The following ADAMTS19 variants were observed in gnomAD, a reference collection of about 807,000 sequenced individuals.
ADAMTS19 encodes the protein ADAM metallopeptidase with thrombospondin type 1 motif 19, also known as A disintegrin and metalloproteinase with thrombospondin motifs 19.
In ADAMTS19, 93 loss-of-function variants were observed where a neutral mutation model predicts 153.3. The ratio of observed to expected loss-of-function variants is 0.61; its 90% CI spans 0.51 to 0.72. The LOEUF (loss-of-function observed/expected upper bound fraction) is 0.72. Ranked by LOEUF, ADAMTS19 falls within the 30% of genes least tolerant of loss-of-function variation. ADAMTS19 has a pLI of 0.00. For synonymous variants in ADAMTS19, 600 were observed against 556.6 expected (o/e 1.08, Z -1.10); for missense variants, 1,482 against 1,552.1 (o/e 0.95, Z 0.76).
chr5:129,460,848 C>T (rs934952903), intron 1 of ADAMTS19, among the ~76,000 whole-genome samples: 7 of 152,126 alleles, frequency 4.6e-5, no homozygotes, highest in Admixed American at 2.6e-4. Context: ...TTCTTTTCAA[C>T]AATGAAGTGC....
At chr5:129,580,252 T>TAG (rs1158385573) in intron 7 of ADAMTS19, among the ~76,000 whole-genome samples, 3 of 152,208 alleles carry the variant, frequency 2.0e-5, no homozygotes, top group African/African-American at 7.2e-5. Context: ...GTTATTGGTG[T>TAG]AGAGGAATGC....
Position 129,737,056 on chromosome 5 carries a change from C to T in ADAMTS19, c.3491-11C>T, listed in dbSNP as rs375058071. On this transcript the variant is annotated splice_polypyrimidine_tract_variant and intron_variant, in intron 22 of 22. Coordinates refer to ENST00000274487, the MANE Select transcript of ADAMTS19 (RefSeq NM_133638.6). Reference sequence around the variant, plus strand: ...CTGCATGGAGTGAATTCACTATGTTCTGTTTCACAGCTGCTCTGACTTTCA... The same window carrying T: ...CTGCATGGAGTGAATTCACTATGTTTTGTTTCACAGCTGCTCTGACTTTCA... 6.3e-5 allele frequency: 100 copies of T among 1,575,226 alleles called. No homozygotes were observed. Among genetic ancestry groups the T allele is most frequent in the Non-Finnish European group, 8.3e-5 (96 of 1,154,872 alleles).
rs575647578 is a variant in ADAMTS19, at chr5:129,732,625, C to A, written c.3313-2307C>A. Among the ~76,000 whole-genome samples, 7 of 152,134 alleles carry A rather than the reference C, an allele frequency of 4.6e-5. No individual in the cohort carries two copies. The South Asian group carries it at 1.5e-3, about 32-fold the overall frequency. The stretch of plus-strand genomic sequence containing the variant: ...GTTTAACTAAGAAGGTGCAAGACCT[C>A]TACAAGGAGAGCTGCAAAACACTGA... On this transcript the variant is annotated intron_variant, in intron 21 of 22. Transcript: ENST00000274487.
At position 129,526,460 on chromosome 5, in the gene ADAMTS19, G is replaced by T; in HGVS notation, c.1086+4G>T. On this transcript the variant is annotated splice_donor_region_variant and intron_variant, in intron 4 of 22. Transcript: ENST00000274487. ...CATTCTAACCATCTTAAATATGGTA[G>T]GCAAACTTTAAAGTGCGCTTGGAAT... The T allele has an allele frequency of 6.3e-7, 1 of 1,584,640 alleles. No homozygotes were observed. The highest frequency in any genetic ancestry group is 8.5e-7 in the Non-Finnish European group (1 of 1,169,778).
chr5:129,716,301 C>T (rs1021712142), intron 21 of ADAMTS19, among the ~76,000 whole-genome samples: 1 of 152,064 alleles, frequency 6.6e-6, no homozygotes, highest in Non-Finnish European at 1.5e-5. Context: ...TGGGCTCAAA[C>T]AATCCTTCCT....
chr5:129,535,844 A>T (rs1458847259), intron 6 of ADAMTS19, among the ~76,000 whole-genome samples: 46 of 152,186 alleles, frequency 3.0e-4, no homozygotes, highest in Non-Finnish European at 6.0e-4. Context: ...GGTGCTGGGA[A>T]AACTGGCTAG....
At chr5:129,566,167 G>T (rs962136128) in intron 7 of ADAMTS19, among the ~76,000 whole-genome samples, 8 of 152,072 alleles carry the variant, frequency 5.3e-5, no homozygotes, top group African/African-American at 1.9e-4. Flanking sequence ...TACCAAAGTT[G>T]TCTCTGCATT....
At chr5:129,494,019 C>T (rs1372464945) in intron 2 of ADAMTS19, among the ~76,000 whole-genome samples, 1 of 151,916 alleles carries the variant, frequency 6.6e-6, no homozygotes, top group East Asian at 1.9e-4. Flanking sequence ...TTTCAAATTA[C>T]AAAACTTCTA....
At chr5:129,709,256 C>G (rs536020712) in intron 21 of ADAMTS19, among the ~76,000 whole-genome samples, 1 of 151,836 alleles carries the variant, frequency 6.6e-6, no homozygotes, top group Non-Finnish European at 1.5e-5. Flanking sequence ...TTCTAGTTTC[C>G]TTAGTTACAA....
chr5:129,467,900 T>C (rs1001988992), intron 2 of ADAMTS19, among the ~76,000 whole-genome samples: 4 of 152,204 alleles, frequency 2.6e-5, no homozygotes, highest in East Asian at 1.9e-4. Context: ...AGTTTATGCA[T>C]AGACAAATAT....
chr5:129,495,275 G>T (rs1023321940), intron 2 of ADAMTS19, among the ~76,000 whole-genome samples: 2 of 152,040 alleles, frequency 1.3e-5, no homozygotes, highest in South Asian at 2.1e-4. Flanking sequence ...TTATTTCAAC[G>T]CATTCTTCAT....
At chr5:129,622,494 T>G in intron 10 of ADAMTS19, 146 bp downstream of exon 10, 1 of 913,022 alleles carries the variant, frequency 1.1e-6, no homozygotes, top group Non-Finnish European at 1.6e-6. Context: ...GTTTGTGCAT[T>G]TTTTTCTTAT....
chr5:129,477,489 G>A (rs530329195), intron 2 of ADAMTS19, among the ~76,000 whole-genome samples: 1 of 152,260 alleles, frequency 6.6e-6, no homozygotes, highest in South Asian at 2.1e-4. Context: ...GAAAAATAAA[G>A]CCACTGATGT....
At chr5:129,660,413 T>C (rs1485733343) in intron 15 of ADAMTS19, among the ~76,000 whole-genome samples, 1 of 152,084 alleles carries the variant, frequency 6.6e-6, no homozygotes, top group East Asian at 1.9e-4. Context: ...TCAAAAAAAT[T>C]TGGAAGACTA....
At chr5:129,573,471 T>G (rs1007803697) in intron 7 of ADAMTS19, among the ~76,000 whole-genome samples, 63 of 152,086 alleles carry the variant, frequency 4.1e-4, no homozygotes, top group Non-Finnish European at 3.8e-4. Flanking sequence ...AGTTAGATTC[T>G]CATCTCTGTG....
intron 20 of ADAMTS19, among the ~76,000 whole-genome samples, chr5:129,702,734 C>T (rs1006402167): frequency 1.3e-5 from 2 of 151,540 alleles, no homozygotes; most frequent in African/African-American, 2.4e-5. Context: ...AAACAAAATA[C>T]CCCACCGCAA....
At chr5:129,604,674 G>C (rs1248661438) in intron 8 of ADAMTS19, among the ~76,000 whole-genome samples, 1 of 152,086 alleles carries the variant, frequency 6.6e-6, no homozygotes, top group African/African-American at 2.4e-5. Flanking sequence ...ATTATGCATA[G>C]ATTATCAGTG....
At chr5:129,522,958 A>C (rs1049048717) in intron 3 of ADAMTS19, among the ~76,000 whole-genome samples, 1 of 151,868 alleles carries the variant, frequency 6.6e-6, no homozygotes, top group African/African-American at 2.4e-5. Context: ...TGAGAGGCAG[A>C]GGCAGGAGAA....
chr5:129,710,221 T>C (rs1756380223), intron 21 of ADAMTS19, among the ~76,000 whole-genome samples: 1 of 152,174 alleles, frequency 6.6e-6, no homozygotes, highest in Admixed American at 6.5e-5. Flanking sequence ...GAACATTCAG[T>C]GTTTGCTTTT....
Sources: allele counts gnomAD v4.1 joint callset (sites outside exome capture counted in the v4.1 genomes callset), GRCh38; gene constraint gnomAD v4.1.1; transcripts MANE v1.5; gene names NCBI Gene and HGNC (gene_info 2026-07-23, HGNC 2026-07-21).